The following IL17D variants were observed in gnomAD, a reference collection of about 807,000 sequenced individuals.
IL17D encodes the protein interleukin 17D, also known as interleukin-17D.
A neutral mutation model predicts 5.7 loss-of-function variants in IL17D; 10 were observed. The observed-to-expected ratio is 1.75, with a 90% CI of 1.08 to 2.97. The LOEUF (loss-of-function observed/expected upper bound fraction) is 2.97. Among genes scored for constraint, IL17D ranks in the 30% most tolerant of loss-of-function variants. IL17D has a pLI of 0.00. For synonymous variants in IL17D, 172 were observed against 141.7 expected (o/e 1.21, Z -1.52); for missense variants, 354 against 292.7 (o/e 1.21, Z -1.53).
At chr13:20,706,350 T>C (rs552258974) in intron 1 of IL17D, among the ~76,000 whole-genome samples, 1 of 152,360 alleles carries the variant, frequency 6.6e-6, no homozygotes, top group African/African-American at 2.4e-5. Flanking sequence ...TAAAGCCACA[T>C]AAGGAATCTC....
intron 1 of IL17D, among the ~76,000 whole-genome samples, chr13:20,707,229 G>T (rs937583522): frequency 6.6e-6 from 1 of 152,032 alleles, no homozygotes; most frequent in South Asian, 2.1e-4. Flanking sequence ...CTCAGGAGGC[G>T]GAGGTGGGAG....
At chr13:20,706,685 C>T (rs1338326620) in intron 1 of IL17D, among the ~76,000 whole-genome samples, 1 of 152,232 alleles carries the variant, frequency 6.6e-6, no homozygotes, top group Non-Finnish European at 1.5e-5. Context: ...GGCTGGAGGA[C>T]ACATGGAGAG....
intron 1 of IL17D, among the ~76,000 whole-genome samples, chr13:20,720,951 G>A (rs1456061968): frequency 6.7e-6 from 1 of 148,654 alleles, no homozygotes; most frequent in African/African-American, 2.5e-5. Context: ...TTCCAATGGC[G>A]AGAACACACC....
chr13:20,720,571 C>T (rs2058723348), intron 1 of IL17D, among the ~76,000 whole-genome samples: 1 of 152,086 alleles, frequency 6.6e-6, no homozygotes, highest in African/African-American at 2.4e-5. Flanking sequence ...CTCTCCGGTG[C>T]CTTCACCCTG....
At chr13:20,719,468 A>C (rs1163233129) in intron 1 of IL17D, among the ~76,000 whole-genome samples, 2 of 151,386 alleles carry the variant, frequency 1.3e-5, no homozygotes, top group African/African-American at 4.9e-5. Flanking sequence ...ACACCTGCCC[A>C]CACACACCCA....
At chr13:20,703,362 G>C (rs2058559403), upstream of IL17D, 1 of 985,874 alleles carries the variant, frequency 1.0e-6, no homozygotes, top group Admixed American at 6.1e-5. Context: ...TCAGCTCCTG[G>C]AGGCGAAAGG....
rs1403196024 is a variant in IL17D at position 20,703,882 on chromosome 13, C to T, written c.-120C>T. 7.9e-6 allele frequency: 3 copies of T among 382,068 alleles called. No individual in the cohort carries two copies. The highest frequency in any genetic ancestry group is 1.1e-5 in the Non-Finnish European group (3 of 281,436). 23.7% of individuals were successfully genotyped at this position (382,068 alleles called of 1,614,324 possible). ...CATCCTCCGGGCCGGCCTCTGGCTCCGCGGGGCGAGGGGAGGCGCCCGCCG... is the reference window on the plus strand; with the variant it reads ...CATCCTCCGGGCCGGCCTCTGGCTCTGCGGGGCGAGGGGAGGCGCCCGCCG... On this transcript the variant is annotated 5_prime_UTR_variant, in exon 1 of 2. Transcript: ENST00000682841.
intron 1 of IL17D, among the ~76,000 whole-genome samples, chr13:20,718,738 TCACA>T (rs139291797): frequency 0.42 from 39,601 of 93,588 alleles, 8,970 homozygotes; most frequent in Non-Finnish European, 0.54. Flanking sequence ...ATGGCTACGC[TCACA>T]CACACCTGCC....
At chr13:20,701,544 G>A (rs929476000), upstream of IL17D, 1 of 152,200 alleles carries the variant, frequency 6.6e-6, no homozygotes, top group East Asian at 1.9e-4. Flanking sequence ...TGCTGGTATT[G>A]GGTGTGCTGA....
At chr13:20,707,440 C>CAAAAAAAAAAA (rs57118714) in intron 1 of IL17D, among the ~76,000 whole-genome samples, 1 of 75,832 alleles carries the variant, frequency 1.3e-5, no homozygotes, top group Non-Finnish European at 2.4e-5. Context: ...GAACTTGTCT[C>CAAAAAAAAAAA]AAAAAAAAAA....
At chr13:20,703,495 C>A, upstream of IL17D, 1 of 910,890 alleles carries the variant, frequency 1.1e-6, no homozygotes, top group Non-Finnish European at 1.3e-6. Flanking sequence ...GGCCGCGGAC[C>A]CTGCGCGGGC....
At chr13:20,713,630 GATA>G (rs1379731252) in intron 1 of IL17D, 2 of 152,216 alleles carry the variant, frequency 1.3e-5, no homozygotes, top group Non-Finnish European at 2.9e-5. Flanking sequence ...CAGGGATGAT[GATA>G]ATATTTCATT....
chr13:20,721,833 T>A lies in IL17D; in HGVS notation c.488T>A (p.Ile163Asn), dbSNP rs149701374. Residue 163 changes from isoleucine to asparagine, a missense_variant, in exon 2 of 2, where the codon ATC becomes AAC. Transcript: ENST00000682841. ...RSVYTEAYVT[I>N]PVGCTCVPEP... ...GTCTACACCGAGGCCTACGTCACCA[T>A]CCCCGTGGGCTGCACCTGCGTCCCC... 3.1e-6 allele frequency: 5 copies of A among 1,610,146 alleles called. No homozygotes were observed. In the African/African-American group the frequency reaches 6.7e-5, roughly 22 times the overall value.
At chr13:20,712,690 C>G (rs1374413338) in intron 1 of IL17D, 6 of 151,008 alleles carry the variant, frequency 4.0e-5, no homozygotes, top group Non-Finnish European at 8.9e-5. Flanking sequence ...AAAAAAAAAC[C>G]CCACCCTGCA....
intron 1 of IL17D, among the ~76,000 whole-genome samples, chr13:20,708,133 G>T (rs9509343): frequency 1.3e-5 from 2 of 152,018 alleles, no homozygotes; most frequent in Non-Finnish European, 2.9e-5. Context: ...GGCTGGTCTC[G>T]AACTCCTGGC....
rs1380047255 is a variant in IL17D at position 20,721,687 on chromosome 13, C to T, written c.342C>T (p.Cys114=). 1.9e-6 allele frequency: 3 copies of T among 1,610,958 alleles called. No homozygotes were observed. The highest frequency in any genetic ancestry group is 2.5e-6 in the Non-Finnish European group (3 of 1,178,956). The stretch of plus-strand genomic sequence containing the variant: ...CCAGGTACCTGCCTGAAGCCTACTG[C>T]CTGTGCCGGGGCTGCCTGACCGGGC... ...RYPRYLPEAY[C]LCRGCLTGLF... is the part of the protein sequence containing the mutation. The change falls in exon 2 of 2, where the codon TGC becomes TGT. Residue 114 remains cysteine, a synonymous_variant. Coordinates refer to ENST00000682841, the MANE Select transcript of IL17D (RefSeq NM_001385224.1).
chr13:20,718,046 G>A (rs961233182), intron 1 of IL17D, among the ~76,000 whole-genome samples: 4 of 152,100 alleles, frequency 2.6e-5, no homozygotes, highest in Non-Finnish European at 4.4e-5. Context: ...AGGGCCGGGC[G>A]ATGCCCTCAC....
At chr13:20,711,267 AAAAAG>A (rs1400763356) in intron 1 of IL17D, among the ~76,000 whole-genome samples, 1 of 130,104 alleles carries the variant, frequency 7.7e-6, no homozygotes, top group Admixed American at 8.8e-5. Flanking sequence ...TCTGTCTCAA[AAAAAG>A]AAAAAAAAAA....
At chr13:20,709,671 G>A (rs749125915) in intron 1 of IL17D, among the ~76,000 whole-genome samples, 3 of 147,814 alleles carry the variant, frequency 2.0e-5, no homozygotes, top group Non-Finnish European at 4.5e-5. Context: ...CTGGAGTTGG[G>A]GAGGAGACCT....
Sources: allele counts gnomAD v4.1 joint callset (sites outside exome capture counted in the v4.1 genomes callset), GRCh38; gene constraint gnomAD v4.1.1; transcripts MANE v1.5; gene names NCBI Gene and HGNC (gene_info 2026-07-23, HGNC 2026-07-21).